ANKIB1: variants seen among roughly 807,000 people sequenced by gnomAD.
The protein encoded by ANKIB1 is ankyrin repeat and IBR domain containing 1.
In ANKIB1, 43 loss-of-function variants were observed where a neutral mutation model predicts 122.1. That is an observed-to-expected ratio of 0.35 (90% CI 0.28 to 0.45). The LOEUF (loss-of-function observed/expected upper bound fraction) is 0.45. Among genes scored for constraint, ANKIB1 ranks in the 20% least tolerant of loss-of-function variants. The probability of loss-of-function intolerance (pLI) is 1.00; values close to 1 mark genes in which losing one functional copy is unlikely to be tolerated. For missense variants in ANKIB1, 992 were observed against 1,329.5 expected, an observed-to-expected ratio of 0.75 and a Z score of 3.95; for synonymous variants, 390 against 442.0, an observed-to-expected ratio of 0.88 and a Z score of 1.48.
chr7:92,353,019 A>G (rs1412666681), intron 9 of ANKIB1, among the ~76,000 whole-genome samples: 1 of 152,180 alleles, frequency 6.6e-6, no homozygotes, highest in Non-Finnish European at 1.5e-5. Flanking sequence ...ATAATACCAA[A>G]TTGCTGACCA....
At chr7:92,395,639 A>G (rs1804873014) in intron 17 of ANKIB1, among the ~76,000 whole-genome samples, 1 of 150,406 alleles carries the variant, frequency 6.6e-6, no homozygotes. Context: ...CCTGGGTTCA[A>G]GTGATTCTCC....
intron 15 of ANKIB1, 93 bp downstream of exon 15, chr7:92,390,209 C>T (rs745360502): frequency 1.1e-6 from 1 of 905,524 alleles, no homozygotes; most frequent in Middle Eastern, 3.5e-4. Context: ...TTAATGTGGA[C>T]ATGATTACTA....
chr7:92,335,716 C>G (rs148507570), intron 5 of ANKIB1, among the ~76,000 whole-genome samples: 33 of 151,806 alleles, frequency 2.2e-4, no homozygotes, highest in African/African-American at 7.7e-4. Context: ...GCATTTGGTT[C>G]AGTTCTTTAT....
intron 1 of ANKIB1, among the ~76,000 whole-genome samples, chr7:92,257,801 T>A (rs1394316816): frequency 2.6e-5 from 4 of 152,114 alleles, no homozygotes; most frequent in East Asian, 3.9e-4. Context: ...TCAAAAAAAA[T>A]AAAATAAAAT....
At chr7:92,257,376 T>A (rs1310657768) in intron 1 of ANKIB1, among the ~76,000 whole-genome samples, 1 of 152,186 alleles carries the variant, frequency 6.6e-6, no homozygotes, top group East Asian at 1.9e-4. Flanking sequence ...TTAAGGTTCT[T>A]TTTTCTATAT....
chr7:92,316,296 A>G (rs888896949), intron 3 of ANKIB1, among the ~76,000 whole-genome samples: 50 of 152,196 alleles, frequency 3.3e-4, no homozygotes, highest in African/African-American at 1.1e-3. Context: ...TATTTTGTCA[A>G]AGTAAGACAC....
intron 5 of ANKIB1, among the ~76,000 whole-genome samples, chr7:92,333,481 G>C (rs1310983943): frequency 6.6e-6 from 1 of 152,046 alleles, no homozygotes; most frequent in Non-Finnish European, 1.5e-5. Flanking sequence ...CTCATCTTTA[G>C]ATGTCCACTC....
At chr7:92,266,336 A>G (rs969614181) in intron 1 of ANKIB1, among the ~76,000 whole-genome samples, 5 of 152,216 alleles carry the variant, frequency 3.3e-5, no homozygotes, top group Non-Finnish European at 5.9e-5. Flanking sequence ...ATTATTTACT[A>G]TAACAGGAGA....
chr7:92,253,887 G>T (rs1801383106), intron 1 of ANKIB1, among the ~76,000 whole-genome samples: 2 of 152,134 alleles, frequency 1.3e-5, no homozygotes, highest in African/African-American at 4.8e-5. Flanking sequence ...TCTAGAGGTA[G>T]AATCTATTTC....
intron 11 of ANKIB1, among the ~76,000 whole-genome samples, chr7:92,372,314 G>T (rs1196086357): frequency 2.6e-5 from 4 of 152,044 alleles, no homozygotes; most frequent in African/African-American, 4.8e-5. Context: ...CATGTACATT[G>T]TAAGATACTA....
chr7:92,286,714 G>A (rs1212542366), intron 1 of ANKIB1, among the ~76,000 whole-genome samples: 3 of 152,098 alleles, frequency 2.0e-5, no homozygotes, highest in Non-Finnish European at 4.4e-5. Context: ...GACCTCAGGT[G>A]ATCTGCCTGC....
At chr7:92,397,629 A>C (rs1424495897) in intron 18 of ANKIB1, 94 bp from the exon 19 acceptor site, 1 of 1,404,588 alleles carries the variant, frequency 7.1e-7, no homozygotes. Context: ...GCACTGAAAG[A>C]GAAATTGCCC....
intron 17 of ANKIB1, 23 bp downstream of exon 17, chr7:92,392,315 GTTT>G (rs1289119808): frequency 3.1e-6 from 5 of 1,605,552 alleles, no homozygotes; most frequent in Non-Finnish European, 4.3e-6. Flanking sequence ...TGGGGTTTTT[GTTT>G]TTGTATTTTT....
intron 4 of ANKIB1, 125 bp from the exon 5 acceptor site, chr7:92,327,658 G>A: frequency 4.4e-6 from 2 of 453,270 alleles, no homozygotes; most frequent in Non-Finnish European, 7.6e-6. Flanking sequence ...TCAATCTACA[G>A]TTGATCCAAT....
At chr7:92,351,528 A>G (rs1803662508) in intron 8 of ANKIB1, among the ~76,000 whole-genome samples, 1 of 152,228 alleles carries the variant, frequency 6.6e-6, no homozygotes, top group East Asian at 1.9e-4. Context: ...ATTCCAAGTA[A>G]TAGGTTTATA....
chr7:92,308,336 T>A (rs2131936750), intron 3 of ANKIB1, among the ~76,000 whole-genome samples: 1 of 152,302 alleles, frequency 6.6e-6, no homozygotes, highest in East Asian at 1.9e-4. Flanking sequence ...AGAGTCATAG[T>A]TATAGTAGAG....
chr7:92,344,499 C>G (rs1378425827), intron 6 of ANKIB1, among the ~76,000 whole-genome samples: 2 of 152,026 alleles, frequency 1.3e-5, no homozygotes, highest in Non-Finnish European at 2.9e-5. Context: ...GCCACCGCGC[C>G]CGGCCTAATA....
At chr7:92,304,264 A>G (rs922839530) in intron 2 of ANKIB1, among the ~76,000 whole-genome samples, 1 of 152,186 alleles carries the variant, frequency 6.6e-6, no homozygotes, top group African/African-American at 2.4e-5. Flanking sequence ...TAAAATATTT[A>G]TGCAGATATG....
chr7:92,319,113 C>T (rs1023845131), intron 3 of ANKIB1, among the ~76,000 whole-genome samples: 22 of 151,074 alleles, frequency 1.5e-4, no homozygotes, highest in Admixed American at 1.3e-3. Flanking sequence ...TTTAACAAGA[C>T]GAAGTCATTC....
Sources: gnomAD v4.1 joint callset for allele counts (sites outside exome capture counted in the v4.1 genomes callset) on GRCh38, gnomAD v4.1.1 for gene constraint, MANE v1.5 for transcripts, NCBI Gene and HGNC (gene_info 2026-07-23, HGNC 2026-07-21) for gene names.